The following IMPA2 variants were observed in gnomAD, a reference collection of about 807,000 sequenced individuals.
IMPA2 encodes the protein inositol monophosphatase 2.
In IMPA2, 32 loss-of-function variants were observed where a neutral mutation model predicts 35.1. The observed-to-expected ratio is 0.91, with a 90% CI of 0.69 to 1.23. IMPA2 has a LOEUF of 1.23. IMPA2 is among the 50% of genes most tolerant of loss of function. The pLI is 0.00. For missense variants in IMPA2, 334 were observed against 387.6 expected (o/e 0.86, Z 1.16); for synonymous variants, 135 against 160.6 (o/e 0.84, Z 1.20).
At chr18:11,992,309 A>G (rs1055745926) in intron 1 of IMPA2, among the ~76,000 whole-genome samples, 4 of 152,250 alleles carry the variant, frequency 2.6e-5, no homozygotes, top group African/African-American at 4.8e-5. Flanking sequence ...CTGACCTGAC[A>G]GAGGGAAAGA....
At chr18:12,019,257 A>AT (rs1255559827) in intron 5 of IMPA2, among the ~76,000 whole-genome samples, 4 of 151,316 alleles carry the variant, frequency 2.6e-5, no homozygotes, top group African/African-American at 9.7e-5. Flanking sequence ...AAAAAGTAGC[A>AT]ATTTTTTTTG....
intron 5 of IMPA2, among the ~76,000 whole-genome samples, chr18:12,022,703 C>T (rs1300872843): frequency 6.6e-6 from 1 of 150,638 alleles, no homozygotes; most frequent in Admixed American, 6.6e-5. Flanking sequence ...GTTTTTTCCC[C>T]CTTATCTGGA....
At chr18:12,005,888 C>G (rs1907234065) in intron 2 of IMPA2, among the ~76,000 whole-genome samples, 1 of 152,206 alleles carries the variant, frequency 6.6e-6, no homozygotes, top group Non-Finnish European at 1.5e-5. Context: ...AGAAGAATTG[C>G]ACATTCCTCC....
rs565900468 is a variant in IMPA2 at position 12,011,227 on chromosome 18, G to T, written c.336-943G>T. Among the ~76,000 whole-genome samples, 156 of 152,306 alleles carry T rather than the reference G, an allele frequency of 1.0e-3. 5 individuals carry two copies. The South Asian group carries it at 0.031, about 30-fold the overall frequency. On this transcript the variant is annotated intron_variant, in intron 3 of 7. Coordinates refer to ENST00000269159, the MANE Select transcript of IMPA2 (RefSeq NM_014214.3). ...TGGGGAGGTGACTGGGAAAAGAGCA[G>T]CAATTTCAGAACAGTCTCCAGAGCT...
At chr18:12,000,422 C>T (rs1175179225) in intron 2 of IMPA2, among the ~76,000 whole-genome samples, 2 of 143,190 alleles carry the variant, frequency 1.4e-5, no homozygotes, top group Non-Finnish European at 3.0e-5. Flanking sequence ...TTTTTCCCGT[C>T]GTTTCCTTCT....
intron 1 of IMPA2, among the ~76,000 whole-genome samples, chr18:11,993,819 C>T (rs928954939): frequency 6.6e-6 from 1 of 152,154 alleles, no homozygotes; most frequent in African/African-American, 2.4e-5. Context: ...GGAGGGAGGA[C>T]ACTCGAGGGG....
At chr18:11,982,368 TC>T (rs1313562412) in intron 1 of IMPA2, among the ~76,000 whole-genome samples, 1 of 152,246 alleles carries the variant, frequency 6.6e-6, no homozygotes, top group African/African-American at 2.4e-5. Flanking sequence ...CTTCTCTTTT[TC>T]ATTTTTGTGA....
At chr18:12,025,108 A>G (rs942065085) in intron 5 of IMPA2, among the ~76,000 whole-genome samples, 65 of 144,770 alleles carry the variant, frequency 4.5e-4, no homozygotes, top group African/African-American at 1.5e-3. Flanking sequence ...CTTTTCCAGA[A>G]TGTCATGGAG....
rs145563376 is a variant in IMPA2 at position 12,002,475 on chromosome 18, G to A, written c.230+3288G>A. Among the ~76,000 whole-genome samples, 604 of 152,182 alleles carry A rather than the reference G, an allele frequency of 4.0e-3. 7 individuals carry two copies. The East Asian group carries it at 0.042, about 10-fold the overall frequency. ...TGTAGACTGAATCAAAGAATGATAA[G>A]GTTTAAACTTCCTTCTGGTGGGGTG... On this transcript the variant is annotated intron_variant, in intron 2 of 7. Transcript: ENST00000269159.
chr18:12,028,230 A>G, intron 6 of IMPA2, 79 bp downstream of exon 6: 1 of 939,864 alleles, frequency 1.1e-6, no homozygotes, highest in South Asian at 1.4e-5. Context: ...CTCCCCTGGG[A>G]TTTGAGGAGG....
chr18:12,010,841 C>A lies in IMPA2; in HGVS notation c.335+854C>A, dbSNP rs1006131959. Reference sequence around the variant, plus strand: ...TTTATATGTAAAACATGAAGTTATTCCATGCTAAGCACAGCCTTTTTCTAG... The same window carrying A: ...TTTATATGTAAAACATGAAGTTATTACATGCTAAGCACAGCCTTTTTCTAG... On this transcript the variant is annotated intron_variant, in intron 3 of 7. Transcript: ENST00000269159. The surrounding 1 kb of genome is among the most constrained non-coding windows in gnomAD (Gnocchi z 4.8). Among the ~76,000 whole-genome samples, 2 of 152,202 alleles carry A rather than the reference C, an allele frequency of 1.3e-5. No individual in the cohort carries two copies. Among genetic ancestry groups the A allele is most frequent in the Non-Finnish European group, 2.9e-5 (2 of 68,040 alleles).
At chr18:12,004,279 AAAAG>A (rs1278974987) in intron 2 of IMPA2, among the ~76,000 whole-genome samples, 6 of 152,344 alleles carry the variant, frequency 3.9e-5, no homozygotes, top group Middle Eastern at 3.4e-3. Context: ...AGAAGAAAAA[AAAAG>A]AAAGAAAGAA....
chr18:11,996,305 G>A (rs761732217), intron 1 of IMPA2, among the ~76,000 whole-genome samples: 2 of 152,194 alleles, frequency 1.3e-5, no homozygotes, highest in African/African-American at 2.4e-5. Context: ...GGGCCCTGGG[G>A]TTTGGGATGT....
chr18:11,984,860 C>T (rs1598679762), intron 1 of IMPA2, among the ~76,000 whole-genome samples: 1 of 150,568 alleles, frequency 6.6e-6, no homozygotes, highest in East Asian at 2.0e-4. Context: ...CCCAGCTACT[C>T]AGGAGGCTGA....
chr18:12,004,633 C>T (rs1397287274), intron 2 of IMPA2, among the ~76,000 whole-genome samples: 1 of 151,580 alleles, frequency 6.6e-6, no homozygotes, highest in Non-Finnish European at 1.5e-5. Context: ...CGGGTTCAAG[C>T]GATTCTCCTG....
At chr18:12,007,593 TTTC>T (rs1191472193) in intron 2 of IMPA2, among the ~76,000 whole-genome samples, 1 of 134,050 alleles carries the variant, frequency 7.5e-6, no homozygotes, top group Admixed American at 7.4e-5. Context: ...TTTTCTTTTC[TTTC>T]TTTCTTTCTC....
intron 5 of IMPA2, chr18:12,021,895 T>A (rs771457467): frequency 2.0e-5 from 3 of 152,230 alleles, no homozygotes; most frequent in Non-Finnish European, 4.4e-5. Flanking sequence ...GACAGCATAC[T>A]CTTAGCATTG....
chr18:11,987,062 T>C (rs1219610633), intron 1 of IMPA2, among the ~76,000 whole-genome samples: 1 of 152,250 alleles, frequency 6.6e-6, no homozygotes, highest in Non-Finnish European at 1.5e-5. Flanking sequence ...ATGATCTCCT[T>C]GGTGTGGTCA....
At chr18:11,998,654 G>T (rs1008686980) in intron 1 of IMPA2, among the ~76,000 whole-genome samples, 2 of 152,198 alleles carry the variant, frequency 1.3e-5, no homozygotes, top group Admixed American at 6.5e-5. Flanking sequence ...TGTGTAACAT[G>T]ATCTTGTTTT....
Sources: gnomAD v4.1 joint callset for allele counts (sites outside exome capture counted in the v4.1 genomes callset) on GRCh38, gnomAD v4.1.1 for gene constraint, Gnocchi (gnomAD v3.1) non-coding constraint, MANE v1.5 for transcripts, NCBI Gene and HGNC (gene_info 2026-07-23, HGNC 2026-07-21) for gene names.